SAMD5: variants seen among roughly 807,000 people sequenced by gnomAD.
SAMD5 encodes the protein sterile alpha motif domain-containing protein 5.
A neutral mutation model predicts 11.3 loss-of-function variants in SAMD5; 13 were observed. The ratio of observed to expected loss-of-function variants is 1.15; its 90% confidence interval spans 0.75 to 1.83. SAMD5 has a LOEUF of 1.83. Among genes scored for constraint, SAMD5 ranks in the 40% most tolerant of loss-of-function variants. The probability of loss-of-function intolerance (pLI) is 0.00; values close to 1 mark genes in which losing one functional copy is unlikely to be tolerated. For missense variants in SAMD5, 255 were observed against 239.1 expected, an observed-to-expected ratio of 1.07 and a Z score of -0.44; for synonymous variants, 129 against 111.3, an observed-to-expected ratio of 1.16 and a Z score of -1.00.
At position 147,565,794 on chromosome 6, in the gene SAMD5, C is replaced by T. The variant is rs371616448; in HGVS notation, c.*1338C>T. The T allele has an allele frequency of 2.5e-4, 245 of 985,328 alleles. No homozygotes were observed. In the East Asian group the frequency reaches 3.3e-3, roughly 13 times the overall value. The allele number at this position is 985,328 out of a possible 1,614,324, so 61.0% of individuals were successfully genotyped here. ...GTAGTTTTATTTTCTGCTTAGAAAA[C>T]GCAACCATGTTGATGGGACCAAAAA... is the stretch of plus-strand genomic sequence containing the variant. On this transcript the variant is annotated 3_prime_UTR_variant, in exon 2 of 2. Transcript: ENST00000367474.
chr6:147,854,961 G>T, the SAMD5 span, among the ~76,000 whole-genome samples: 2 of 152,138 alleles, frequency 1.3e-5, no homozygotes, highest in African/African-American at 4.8e-5. Context: ...AAATAACAGT[G>T]CACAGTTTTG....
At chr6:147,936,360 G>T in the SAMD5 span, among the ~76,000 whole-genome samples, 7 of 151,830 alleles carry the variant, frequency 4.6e-5, no homozygotes, top group Admixed American at 6.6e-5. Flanking sequence ...TGCTTCTGGG[G>T]AGGCCTCAGG....
chr6:147,746,493 A>C, the SAMD5 span, among the ~76,000 whole-genome samples: 3 of 152,202 alleles, frequency 2.0e-5, no homozygotes, highest in South Asian at 6.2e-4. Flanking sequence ...CTTCACTTTC[A>C]TGTACTTTGT....
At chr6:147,793,236 C>G in the SAMD5 span, among the ~76,000 whole-genome samples, 12,725 of 152,146 alleles carry the variant, frequency 0.084, 803 homozygotes, top group African/African-American at 0.17. Context: ...CTTATCCCCC[C>G]CAAATCCATA....
At position 147,565,187 on chromosome 6, in the gene SAMD5, A is replaced by G; in HGVS notation, c.*731A>G. ...GACATGCATCAAGCAAGAGCTAGCT[A>G]TTTTACTTCATAGCTAGTTTCTTGC... is the stretch of plus-strand genomic sequence containing the variant. On this transcript the variant is annotated 3_prime_UTR_variant, in exon 2 of 2. Transcript: ENST00000367474. 1.0e-6 allele frequency: 1 copy of G among 985,832 alleles called. No individual in the cohort carries two copies. Among genetic ancestry groups the G allele is most frequent in the Non-Finnish European group, 1.2e-6 (1 of 829,956 alleles). 61.1% of individuals were successfully genotyped at this position (985,832 alleles called of 1,614,324 possible). A position where few individuals can be genotyped will look rare whatever the true frequency, so the allele number is the denominator to read the frequency against.
At chr6:147,687,275 T>C (rs1251561559) in intron 1 of SAMD5, among the ~76,000 whole-genome samples, 173 of 135,374 alleles carry the variant, frequency 1.3e-3, no homozygotes, top group Non-Finnish European at 8.1e-4. Context: ...CTCTCCTCCT[T>C]CTTTTTTTTT....
At chr6:147,646,723 A>G (rs12663393) in intron 1 of SAMD5, among the ~76,000 whole-genome samples, 13,552 of 152,200 alleles carry the variant, frequency 0.089, 905 homozygotes, top group East Asian at 0.26. Context: ...TAATGTGTAT[A>G]AAATAAACTT....
chr6:147,791,890 A>G, the SAMD5 span, among the ~76,000 whole-genome samples: 6 of 152,214 alleles, frequency 3.9e-5, no homozygotes, highest in African/African-American at 9.6e-5. Flanking sequence ...AGGCAGAACT[A>G]TAGACAGTAA....
intron 1 of SAMD5, among the ~76,000 whole-genome samples, chr6:147,537,461 A>C (rs1225381322): frequency 6.6e-6 from 1 of 152,104 alleles, no homozygotes; most frequent in Non-Finnish European, 1.5e-5. Flanking sequence ...AATTTTTAAA[A>C]CAGAAAACCG....
At chr6:147,678,125 G>T (rs1462474148) in intron 1 of SAMD5, among the ~76,000 whole-genome samples, 1 of 151,966 alleles carries the variant, frequency 6.6e-6, no homozygotes, top group East Asian at 1.9e-4. Flanking sequence ...TATTTTATAC[G>T]CCTGACTTAA....
intron 1 of SAMD5, among the ~76,000 whole-genome samples, chr6:147,702,616 G>T (rs1057242316): frequency 1.3e-5 from 2 of 152,178 alleles, no homozygotes; most frequent in African/African-American, 4.8e-5. Flanking sequence ...ATGTACAAGT[G>T]ACAGGGAAAA....
intron 1 of SAMD5, among the ~76,000 whole-genome samples, chr6:147,532,121 T>C (rs1788439417): frequency 6.6e-6 from 1 of 152,170 alleles, no homozygotes; most frequent in African/African-American, 2.4e-5. Context: ...TAGAGTTTCA[T>C]ATATATATTT....
the SAMD5 span, among the ~76,000 whole-genome samples, chr6:147,926,238 T>A: frequency 6.6e-6 from 1 of 152,234 alleles, no homozygotes; most frequent in East Asian, 1.9e-4. Flanking sequence ...GTAGCTCTGT[T>A]TTTAGCTCAC....
intron 1 of SAMD5, among the ~76,000 whole-genome samples, chr6:147,512,024 G>A (rs1444911848): frequency 6.6e-6 from 1 of 152,036 alleles, no homozygotes; most frequent in African/African-American, 2.4e-5. Flanking sequence ...GCCAGATCTC[G>A]GCTCACTGCA....
intron 1 of SAMD5, among the ~76,000 whole-genome samples, chr6:147,637,743 A>G (rs147656061): frequency 6.6e-6 from 1 of 152,314 alleles, no homozygotes; most frequent in East Asian, 1.9e-4. Flanking sequence ...ATGAGGACTT[A>G]CAGGTTCATT....
the SAMD5 span, among the ~76,000 whole-genome samples, chr6:147,773,973 G>T: frequency 2.6e-5 from 4 of 152,070 alleles, no homozygotes; most frequent in Non-Finnish European, 5.9e-5. Context: ...CTCCCAAGTA[G>T]CTGGGACTAC....
At chr6:147,528,356 C>T (rs1264081896) in intron 1 of SAMD5, among the ~76,000 whole-genome samples, 1 of 152,142 alleles carries the variant, frequency 6.6e-6, no homozygotes, top group Non-Finnish European at 1.5e-5. Context: ...ACTTCTGAGG[C>T]CACGTGCCCC....
chr6:147,574,781 T>G (rs1278241900), downstream of SAMD5, among the ~76,000 whole-genome samples: 1 of 152,122 alleles, frequency 6.6e-6, no homozygotes, highest in Admixed American at 6.6e-5. Flanking sequence ...TATGAGGAAC[T>G]TAATACCATT....
the SAMD5 span, among the ~76,000 whole-genome samples, chr6:147,808,529 A>G: frequency 5.3e-5 from 8 of 152,284 alleles, no homozygotes; most frequent in African/African-American, 1.9e-4. Context: ...TGTGGCCTCT[A>G]GGTGACTCAG....
Sources: gnomAD v4.1 joint callset for allele counts (sites outside exome capture counted in the v4.1 genomes callset) on GRCh38, gnomAD v4.1.1 for gene constraint, MANE v1.5 for transcripts, NCBI Gene and HGNC (gene_info 2026-07-23, HGNC 2026-07-21) for gene names.